Variants in CNBD1 observed in about 807,000 individuals in gnomAD.
The protein encoded by CNBD1 is cyclic nucleotide binding domain containing 1.
CNBD1 carries 71 observed loss-of-function variants against 54.4 expected under a neutral mutation model. That is an observed-to-expected ratio of 1.30 (90% confidence interval 1.08 to 1.59). The LOEUF is 1.59. Ranked by LOEUF, CNBD1 falls within the 40% of genes most tolerant of loss-of-function variation. CNBD1 has a pLI of 0.00. For synonymous variants in CNBD1, 182 were observed against 170.7 expected (o/e 1.07, Z -0.51); for missense variants, 659 against 518.0 (o/e 1.27, Z -2.64).
intron 4 of CNBD1, among the ~76,000 whole-genome samples, chr8:87,118,641 T>C (rs111498597): frequency 6.6e-6 from 1 of 152,100 alleles, no homozygotes; most frequent in Non-Finnish European, 1.5e-5. Context: ...AAGTACCTTG[T>C]TTTTTTGTGC....
intron 4 of CNBD1, among the ~76,000 whole-genome samples, chr8:86,952,454 G>C (rs1807650079): frequency 6.6e-6 from 1 of 151,816 alleles, no homozygotes; most frequent in Non-Finnish European, 1.5e-5. Context: ...TATAGACATA[G>C]TACCATTTAT....
At chr8:87,322,261 C>T (rs1453266412) in intron 8 of CNBD1, among the ~76,000 whole-genome samples, 4 of 123,648 alleles carry the variant, frequency 3.2e-5, no homozygotes. Context: ...CCGCAATAAA[C>T]ATACGTGTGC....
chr8:86,988,005 G>C (rs115650795), intron 4 of CNBD1, among the ~76,000 whole-genome samples: 2,898 of 152,192 alleles, frequency 0.019, 93 homozygotes, highest in African/African-American at 0.059. Flanking sequence ...GCTGACGCTA[G>C]CTTAATATAA....
At position 87,179,208 on chromosome 8, in the gene CNBD1, A is replaced by G. The variant is rs765790595; in HGVS notation, c.432-26785A>G. 1.4e-3 allele frequency among the ~76,000 whole-genome samples: 206 copies of G among 152,230 alleles called. 6 individuals are homozygous for G. The highest frequency in any genetic ancestry group is 3.7e-4 in the Non-Finnish European group (25 of 68,046). On this transcript the variant is annotated intron_variant, in intron 4 of 10. Transcript: ENST00000518476. ...AAAACAGAAGGATTTAAAGACTTCAATTGAATAATTGAGTAAAAATATGCA... is the reference window on the plus strand; with the variant it reads ...AAAACAGAAGGATTTAAAGACTTCAGTTGAATAATTGAGTAAAAATATGCA...
intron 6 of CNBD1, among the ~76,000 whole-genome samples, chr8:87,279,681 C>A (rs906519072): frequency 2.0e-5 from 3 of 150,940 alleles, no homozygotes; most frequent in Admixed American, 6.6e-5. Flanking sequence ...TCAAAATATA[C>A]AAGTAAATAT....
intron 6 of CNBD1, 84 bp downstream of exon 6, chr8:87,237,196 C>T: frequency 1.4e-6 from 1 of 735,484 alleles, no homozygotes; most frequent in Non-Finnish European, 2.2e-6. Context: ...CATTAAGATC[C>T]AATATCTTTA....
At chr8:87,146,223 A>G (rs1812484513) in intron 4 of CNBD1, among the ~76,000 whole-genome samples, 1 of 151,974 alleles carries the variant, frequency 6.6e-6, no homozygotes, top group South Asian at 2.1e-4. Flanking sequence ...GCTAGTGCTT[A>G]CTCTCCTAAA....
intron 9 of CNBD1, 63 bp downstream of exon 9, chr8:87,351,857 C>G: frequency 7.6e-7 from 1 of 1,308,786 alleles, no homozygotes; most frequent in Non-Finnish European, 9.9e-7. Flanking sequence ...GTGTCAGATA[C>G]CTTTTCATGT....
chr8:87,047,152 G>T (rs1031150613), intron 4 of CNBD1, among the ~76,000 whole-genome samples: 7 of 152,038 alleles, frequency 4.6e-5, no homozygotes, highest in African/African-American at 1.5e-4. Context: ...GAGATTTCCC[G>T]GGTATGGCAC....
intron 4 of CNBD1, among the ~76,000 whole-genome samples, chr8:87,040,426 T>TC (rs1563445969): frequency 1.3e-5 from 2 of 148,556 alleles, no homozygotes; most frequent in African/African-American, 2.5e-5. Context: ...TCTTTTTCTT[T>TC]TTTTTTTTTT....
At chr8:87,274,318 T>C (rs931363259) in intron 6 of CNBD1, among the ~76,000 whole-genome samples, 18 of 149,566 alleles carry the variant, frequency 1.2e-4, no homozygotes, top group African/African-American at 2.3e-4. Context: ...ATGGTATTTC[T>C]AGTTCTAGAT....
At chr8:86,952,567 G>T (rs1586158150) in intron 4 of CNBD1, among the ~76,000 whole-genome samples, 1 of 151,776 alleles carries the variant, frequency 6.6e-6, no homozygotes, top group South Asian at 2.1e-4. Flanking sequence ...AAATGAAAAA[G>T]AAAGAATATA....
At chr8:87,389,845 C>G (rs1191738039) in intron 2 of CNBD1, among the ~76,000 whole-genome samples, 1 of 152,172 alleles carries the variant, frequency 6.6e-6, no homozygotes, top group Non-Finnish European at 1.5e-5. Context: ...TGACTTCAAA[C>G]TATACTACAA....
chr8:87,008,568 A>G (rs28569094), intron 4 of CNBD1, among the ~76,000 whole-genome samples: 3 of 152,172 alleles, frequency 2.0e-5, no homozygotes, highest in Admixed American at 2.0e-4. Context: ...AGTCAAATAT[A>G]TCCTTGCATC....
intron 2 of CNBD1, among the ~76,000 whole-genome samples, chr8:87,427,666 A>G (rs1808072741): frequency 6.6e-6 from 1 of 152,180 alleles, no homozygotes; most frequent in Non-Finnish European, 1.5e-5. Flanking sequence ...CTTTCATCAC[A>G]AGTAAAAAGT....
At chr8:87,164,235 G>A (rs981884467) in intron 4 of CNBD1, among the ~76,000 whole-genome samples, 2 of 151,828 alleles carry the variant, frequency 1.3e-5, no homozygotes, top group Non-Finnish European at 2.9e-5. Context: ...ATGTTTATTA[G>A]TGGTAATGGC....
chr8:86,968,628 G>A (rs2130485883), intron 4 of CNBD1, among the ~76,000 whole-genome samples: 1 of 152,112 alleles, frequency 6.6e-6, no homozygotes, highest in East Asian at 1.9e-4. Flanking sequence ...AGATATTTGG[G>A]GAAGAGAAAT....
chr8:87,296,152 A>T, intron 8 of CNBD1, among the ~76,000 whole-genome samples: 1 of 152,170 alleles, frequency 6.6e-6, no homozygotes, highest in East Asian at 1.9e-4. Context: ...AAAACCTAAA[A>T]CAATATTTTT....
intron 2 of CNBD1, among the ~76,000 whole-genome samples, chr8:87,410,380 T>G (rs1196894318): frequency 6.6e-6 from 1 of 152,142 alleles, no homozygotes; most frequent in African/African-American, 2.4e-5. Context: ...CTATAAAGAA[T>G]TTACTATTCT....
Sources: gnomAD v4.1 joint callset for allele counts (sites outside exome capture counted in the v4.1 genomes callset) on GRCh38, gnomAD v4.1.1 for gene constraint, MANE v1.5 for transcripts, NCBI Gene and HGNC (gene_info 2026-07-23, HGNC 2026-07-21) for gene names.